The following POLN variants were observed in gnomAD, a reference collection of about 807,000 sequenced individuals.
POLN encodes the protein DNA polymerase nu.
In POLN, 108 loss-of-function variants were observed where a neutral mutation model predicts 113.5. The ratio of observed to expected loss-of-function variants is 0.95; its 90% CI spans 0.81 to 1.12. POLN has a LOEUF of 1.12. POLN is among the 50% of genes most tolerant of loss of function. POLN has a pLI of 0.00. For missense variants in POLN, 1,097 were observed against 1,077.1 expected (o/e 1.02, Z -0.26); for synonymous variants, 386 against 391.5 (o/e 0.99, Z 0.17).
intron 12 of POLN, 73 bp downstream of exon 12, chr4:2,171,025 A>C: frequency 7.5e-7 from 1 of 1,329,414 alleles, no homozygotes; most frequent in Non-Finnish European, 1.1e-6. Context: ...AATACTTATA[A>C]ATTCAAAATA....
intron 2 of POLN, 57 bp from the exon 3 acceptor site, chr4:2,229,300 C>T: frequency 1.5e-6 from 2 of 1,339,846 alleles, no homozygotes; most frequent in Non-Finnish European, 2.0e-6. Context: ...GACTATAAAA[C>T]AGGAAATACA....
rs565711382 is a variant in POLN at position 2,239,955 on chromosome 4, C to G, written c.-13+1565G>C. 4.5e-5 allele frequency: 47 copies of G among 1,053,980 alleles called. No homozygotes were observed. In the East Asian group the frequency reaches 1.1e-3, roughly 24 times the overall value. The allele number at this position is 1,053,980 out of a possible 1,614,324, so 65.3% of individuals were successfully genotyped here. On this transcript the variant is annotated intron_variant, in intron 2 of 25. Coordinates refer to ENST00000511885, the MANE Select transcript of POLN (RefSeq NM_181808.4). The stretch of plus-strand genomic sequence containing the variant: ...GTAATCTCTTCTCAGATGCACCATT[C>G]TAAAGTACTTTAACAGCAATATTAT...
intron 13 of POLN, among the ~76,000 whole-genome samples, chr4:2,161,525 C>T (rs1000947020): frequency 1.3e-5 from 2 of 152,384 alleles, no homozygotes; most frequent in Middle Eastern, 3.4e-3. Context: ...TCGGGACCTG[C>T]AACCCGCCAT....
At chr4:2,099,806 T>C (rs1307042738) in intron 19 of POLN, among the ~76,000 whole-genome samples, 3 of 152,160 alleles carry the variant, frequency 2.0e-5, no homozygotes, top group African/African-American at 2.4e-5. Context: ...CCTTGCCATT[T>C]TTATGTCAAT....
At chr4:2,119,892 T>C (rs960871915) in intron 19 of POLN, among the ~76,000 whole-genome samples, 1 of 152,182 alleles carries the variant, frequency 6.6e-6, no homozygotes, top group African/African-American at 2.4e-5. Flanking sequence ...CTTCTTATTT[T>C]TGAAGTTCTC....
chr4:2,147,643 C>CTTTTTTTT (rs747184067), intron 16 of POLN, among the ~76,000 whole-genome samples: 5 of 79,358 alleles, frequency 6.3e-5, no homozygotes, highest in African/African-American at 8.3e-5. Flanking sequence ...TTTTTCTTTT[C>CTTTTTTTT]TTTTTTTTTT....
At chr4:2,170,560 A>C in intron 13 of POLN, 119 bp downstream of exon 13, 1 of 825,500 alleles carries the variant, frequency 1.2e-6, no homozygotes, top group Non-Finnish European at 1.9e-6. Context: ...TCTTCTGCAG[A>C]AACTGCTGCC....
intron 20 of POLN, among the ~76,000 whole-genome samples, chr4:2,091,792 T>TGC (rs1377555849): frequency 3.2e-5 from 4 of 125,432 alleles, no homozygotes; most frequent in Admixed American, 8.4e-5. Context: ...TGTGTGTGTG[T>TGC]GTGTGTGTGC....
In POLN at chr4:2,198,638, G is replaced by A. The variant is rs190634789; in HGVS notation, c.794C>T (p.Pro265Leu). 7.1e-5 allele frequency: 114 copies of A among 1,613,782 alleles called. No individual in the cohort carries two copies. The Admixed American group carries it at 1.2e-3, about 17-fold the overall frequency. The part of the protein sequence containing the change: ...AEGGHGCPDA[P>L]ACGPVLEGFV... ...GCCCTCCAGAACAGGACCACAGGCCGGGGCATCTGGACAGCCATGGCCACC... is the reference window on the plus strand; with the variant it reads ...GCCCTCCAGAACAGGACCACAGGCCAGGGCATCTGGACAGCCATGGCCACC... Residue 265 changes from proline (P) to leucine (L), a missense_variant, in exon 6 of 26, where the codon CCG becomes CTG. Coordinates refer to ENST00000511885, the MANE Select transcript of POLN (RefSeq NM_181808.4).
At chr4:2,229,301 A>T (rs1734493430) in intron 2 of POLN, 58 bp from the exon 3 acceptor site, 1 of 1,339,252 alleles carries the variant, frequency 7.5e-7, no homozygotes, top group Non-Finnish European at 1.0e-6. Context: ...ACTATAAAAC[A>T]GGAAATACAA....
intron 2 of POLN, chr4:2,236,250 T>C (rs1455357880): frequency 6.2e-7 from 1 of 1,611,654 alleles, no homozygotes. Context: ...CAAAAGCTGA[T>C]TTCCTCCTTG....
intron 24 of POLN, 55 bp downstream of exon 24, chr4:2,075,397 A>C (rs374703208): frequency 5.1e-6 from 8 of 1,580,104 alleles, no homozygotes; most frequent in Non-Finnish European, 7.0e-6. Context: ...TGGGGCATGG[A>C]GCCTCCTCTT....
chr4:2,234,112 T>C (rs1317472449), intron 2 of POLN: 2 of 152,178 alleles, frequency 1.3e-5, no homozygotes, highest in African/African-American at 2.4e-5. Flanking sequence ...ACAAAATTGA[T>C]GGCACAGTAA....
intron 7 of POLN, among the ~76,000 whole-genome samples, chr4:2,184,369 A>G (rs1042385854): frequency 6.6e-6 from 1 of 152,096 alleles, no homozygotes; most frequent in Non-Finnish European, 1.5e-5. Context: ...GCACCACTTT[A>G]TGCCAAAAAA....
intron 13 of POLN, among the ~76,000 whole-genome samples, chr4:2,159,911 C>A (rs1168811743): frequency 2.6e-5 from 4 of 152,064 alleles, no homozygotes; most frequent in Non-Finnish European, 5.9e-5. Context: ...GTGTTTTTTT[C>A]CACCTTAGGG....
intron 16 of POLN, among the ~76,000 whole-genome samples, chr4:2,155,178 G>A (rs1732392801): frequency 6.6e-6 from 1 of 152,220 alleles, no homozygotes. Context: ...AGAAACTACA[G>A]CAGTTGTGGT....
rs568004481 is a variant in POLN at position 2,089,154 on chromosome 4, T to C, written c.2066-3410A>G. 1.3e-5 allele frequency: 17 copies of C among 1,359,114 alleles called. No homozygotes were observed. In the East Asian group the frequency reaches 3.3e-4, roughly 26 times the overall value. The allele number at this position is 1,359,114 out of a possible 1,614,324, so 84.2% of individuals were successfully genotyped here. On this transcript the variant is annotated intron_variant, in intron 20 of 25. Coordinates refer to ENST00000511885, the MANE Select transcript of POLN (RefSeq NM_181808.4). ...GGACCCTAAGATCAATATTTGAATCTATTCCAGGAGACCTCACTTCAGATA... is the reference window on the plus strand; with the variant it reads ...GGACCCTAAGATCAATATTTGAATCCATTCCAGGAGACCTCACTTCAGATA...
intron 19 of POLN, among the ~76,000 whole-genome samples, chr4:2,101,460 G>A (rs2108704714): frequency 1.3e-5 from 2 of 152,350 alleles, no homozygotes; most frequent in Admixed American, 1.3e-4. Context: ...GACGGGCTGG[G>A]AACCAGAGTG....
chr4:2,194,478 T>C (rs1002432880), intron 6 of POLN, among the ~76,000 whole-genome samples: 3 of 151,908 alleles, frequency 2.0e-5, no homozygotes, highest in African/African-American at 7.3e-5. Context: ...GTAGGGAGGG[T>C]AAAGCGCCAA....
Sources: gnomAD v4.1 joint callset for allele counts (sites outside exome capture counted in the v4.1 genomes callset) on GRCh38, gnomAD v4.1.1 for gene constraint, MANE v1.5 for transcripts, NCBI Gene and HGNC (gene_info 2026-07-23, HGNC 2026-07-21) for gene names.